The following MBOAT1 variants were observed in gnomAD, a reference collection of about 807,000 sequenced individuals.
MBOAT1 encodes the protein membrane bound glycerophospholipid O-acyltransferase 1.
MBOAT1 carries 67 observed loss-of-function variants against 64.4 expected under a neutral mutation model. The ratio of observed to expected loss-of-function variants is 1.04; its 90% CI spans 0.85 to 1.27. The LOEUF (loss-of-function observed/expected upper bound fraction) is 1.27. Among genes scored for constraint, MBOAT1 ranks in the 50% most tolerant of loss-of-function variants. MBOAT1 has a pLI of 0.00. For synonymous variants in MBOAT1, 229 were observed against 218.9 expected (o/e 1.05, Z -0.41); for missense variants, 563 against 604.6 (o/e 0.93, Z 0.72).
At chr6:20,105,807 A>G (rs1759939772) in intron 12 of MBOAT1, among the ~76,000 whole-genome samples, 2 of 152,216 alleles carry the variant, frequency 1.3e-5, no homozygotes, top group South Asian at 4.1e-4. Flanking sequence ...AACAAATTCT[A>G]ACGTTATTAC....
chr6:20,149,668 T>C (rs547725694), intron 3 of MBOAT1, among the ~76,000 whole-genome samples: 23 of 152,308 alleles, frequency 1.5e-4, no homozygotes, highest in Non-Finnish European at 2.8e-4. Flanking sequence ...AGAGAGATGA[T>C]TAGAATTCGA....
chr6:20,153,703 G>A (rs954787712), intron 1 of MBOAT1, among the ~76,000 whole-genome samples: 12 of 152,104 alleles, frequency 7.9e-5, no homozygotes, highest in African/African-American at 1.2e-4. Context: ...TGCATTTAAC[G>A]TCCAGTGCCA....
chr6:20,123,402 T>C (rs371313731), intron 8 of MBOAT1, among the ~76,000 whole-genome samples: 16 of 152,192 alleles, frequency 1.1e-4, no homozygotes, highest in African/African-American at 2.4e-4. Context: ...CAGTGTGACA[T>C]AGACAGGGCT....
chr6:20,134,488 A>G (rs1163872120), intron 4 of MBOAT1, among the ~76,000 whole-genome samples: 1 of 152,186 alleles, frequency 6.6e-6, no homozygotes, highest in African/African-American at 2.4e-5. Context: ...TAATTTAAAT[A>G]TTTAAATTTA....
At chr6:20,142,822 G>A (rs9358306) in intron 4 of MBOAT1, among the ~76,000 whole-genome samples, 22,946 of 152,132 alleles carry the variant, frequency 0.15, 2,153 homozygotes, top group East Asian at 0.5. Context: ...ACAATGTGGC[G>A]GAGAGGGCAC....
intron 4 of MBOAT1, among the ~76,000 whole-genome samples, chr6:20,135,989 C>T (rs1215722281): frequency 6.6e-6 from 1 of 152,186 alleles, no homozygotes; most frequent in Non-Finnish European, 1.5e-5. Context: ...AAAGCTCAAG[C>T]AGCATTTCCT....
intron 1 of MBOAT1, among the ~76,000 whole-genome samples, chr6:20,188,501 C>T (rs1762716242): frequency 2.0e-5 from 3 of 152,114 alleles, no homozygotes; most frequent in African/African-American, 7.2e-5. Context: ...AGTGTGGACA[C>T]AAAGGGTGAG....
chr6:20,102,665 G>C (rs976196567), intron 12 of MBOAT1, among the ~76,000 whole-genome samples: 1 of 152,092 alleles, frequency 6.6e-6, no homozygotes, highest in Admixed American at 6.5e-5. Flanking sequence ...ACACGGTACC[G>C]TCCCATTGAC....
At chr6:20,143,520 AG>A (rs1489472001) in intron 4 of MBOAT1, among the ~76,000 whole-genome samples, 1 of 152,206 alleles carries the variant, frequency 6.6e-6, no homozygotes, top group East Asian at 1.9e-4. Context: ...ACCCTAACAC[AG>A]GGATAGAAAA....
chr6:20,101,726 C>T lies in MBOAT1; in HGVS notation c.*560G>A, dbSNP rs1315539951. ...ATGGACTGTCTCTGCAGCTCTGGCACATTCTCTACACATCGCCACACCACT... is the reference window on the plus strand; with the variant it reads ...ATGGACTGTCTCTGCAGCTCTGGCATATTCTCTACACATCGCCACACCACT... On this transcript the variant is annotated 3_prime_UTR_variant, in exon 13 of 13. Transcript: ENST00000324607. 6.6e-6 allele frequency among the ~76,000 whole-genome samples: 1 copy of T among 152,194 alleles called. No individual in the cohort carries two copies. Among genetic ancestry groups the T allele is most frequent in the Non-Finnish European group, 1.5e-5 (1 of 68,028 alleles).
intron 1 of MBOAT1, among the ~76,000 whole-genome samples, chr6:20,154,600 T>G (rs16883435): frequency 0.22 from 33,029 of 152,108 alleles, 4,380 homozygotes; most frequent in East Asian, 0.44. Context: ...AATTTCACCT[T>G]TCCAAAAAAC....
chr6:20,128,989 G>C (rs759550934), intron 5 of MBOAT1, among the ~76,000 whole-genome samples: 1 of 152,076 alleles, frequency 6.6e-6, no homozygotes, highest in Non-Finnish European at 1.5e-5. Flanking sequence ...GGACTCAAAG[G>C]TTTCTCCTAC....
intron 1 of MBOAT1, among the ~76,000 whole-genome samples, chr6:20,179,935 G>A (rs1207129850): frequency 6.6e-6 from 1 of 151,580 alleles, no homozygotes; most frequent in Non-Finnish European, 1.5e-5. Context: ...TTTTTCATAT[G>A]TTTATTGACC....
chr6:20,204,587 G>C (rs1385467966), intron 1 of MBOAT1, among the ~76,000 whole-genome samples: 1 of 152,162 alleles, frequency 6.6e-6, no homozygotes, highest in African/African-American at 2.4e-5. Context: ...GGGTTACAGA[G>C]GGAAGACGAG....
rs1051397604 is a variant in MBOAT1, at chr6:20,100,651, T to C, written c.*1635A>G. On this transcript the variant is annotated 3_prime_UTR_variant, in exon 13 of 13. Coordinates refer to ENST00000324607, the MANE Select transcript of MBOAT1 (RefSeq NM_001080480.3). The stretch of plus-strand genomic sequence containing the variant: ...AGAGAAGCAGCAGTAGGACACCTTA[T>C]GGACCTGTGTCTCTATTGACACAGA... Among the ~76,000 whole-genome samples the C allele has an allele frequency of 2.6e-5, 4 of 152,240 alleles. No homozygotes were observed. The highest frequency in any genetic ancestry group is 9.6e-5 in the African/African-American group (4 of 41,458).
chr6:20,162,005 C>T (rs544941053), intron 1 of MBOAT1, among the ~76,000 whole-genome samples: 58 of 152,200 alleles, frequency 3.8e-4, no homozygotes, highest in African/African-American at 1.3e-3. Context: ...TCCAGATGGC[C>T]GTCTTCTCCC....
intron 8 of MBOAT1, among the ~76,000 whole-genome samples, chr6:20,122,681 G>A (rs1760527508): frequency 6.6e-6 from 1 of 152,030 alleles, no homozygotes; most frequent in African/African-American, 2.4e-5. Context: ...TTTTTACTGG[G>A]TACAGAGTTT....
chr6:20,107,902 A>G (rs1257343174), intron 12 of MBOAT1, among the ~76,000 whole-genome samples: 1 of 152,196 alleles, frequency 6.6e-6, no homozygotes, highest in Admixed American at 6.5e-5. Context: ...AGACAGCTCA[A>G]TGGTGCCAAA....
In MBOAT1 at chr6:20,212,321, T is replaced by G; in HGVS notation, c.-87A>C. On this transcript the variant is annotated 5_prime_UTR_variant, in exon 1 of 13. Transcript: ENST00000324607. Reference sequence around the variant, plus strand: ...TCCCGCCCGGGTGCTCTTGGGTGGTTGCCCCGAGAGGCGCACGGCCGCCTG... The same window carrying G: ...TCCCGCCCGGGTGCTCTTGGGTGGTGGCCCCGAGAGGCGCACGGCCGCCTG... 1 of 1,296,500 alleles carries G rather than the reference T, an allele frequency of 7.7e-7. No individual in the cohort carries two copies. Among genetic ancestry groups the G allele is most frequent in the Non-Finnish European group, 1.1e-6 (1 of 930,152 alleles). 80.3% of individuals were successfully genotyped at this position (1,296,500 alleles called of 1,614,324 possible).
Sources: gnomAD v4.1 joint callset for allele counts (sites outside exome capture counted in the v4.1 genomes callset) on GRCh38, gnomAD v4.1.1 for gene constraint, MANE v1.5 for transcripts, NCBI Gene and HGNC (gene_info 2026-07-23, HGNC 2026-07-21) for gene names.